Variants in KAZN observed in about 807,000 individuals in gnomAD.
KAZN encodes kazrin, periplakin interacting protein, also known as kazrin.
A neutral mutation model predicts 87.4 loss-of-function variants in KAZN; 40 were observed. That is an observed-to-expected ratio of 0.46 (90% CI 0.36 to 0.60). KAZN has a LOEUF of 0.60. Ranked by LOEUF, KAZN falls within the 20% of genes least tolerant of loss-of-function variation. The pLI, the probability that KAZN is intolerant of heterozygous loss-of-function variation, is 0.00. For missense variants in KAZN, 898 were observed against 1,073.9 expected (o/e 0.84, Z 2.29); for synonymous variants, 466 against 458.3 (o/e 1.02, Z -0.22).
intron 1 of KAZN, among the ~76,000 whole-genome samples, chr1:14,935,883 C>A (rs1660396328): frequency 6.6e-6 from 1 of 152,154 alleles, no homozygotes; most frequent in Non-Finnish European, 1.5e-5. Context: ...GAGCTGCAGC[C>A]TATAGCACCC....
At chr1:14,744,453 G>T (rs1557445666) in intron 1 of KAZN, among the ~76,000 whole-genome samples, 1 of 152,108 alleles carries the variant, frequency 6.6e-6, no homozygotes, top group South Asian at 2.1e-4. Flanking sequence ...AACAGGCCAG[G>T]TGTGATGGCT....
rs59840012 is a variant in KAZN at position 14,600,666 on chromosome 1, CAA to C, written c.226+1464_226+1465del. On this transcript the variant is annotated intron_variant, in intron 1 of 14. Coordinates refer to ENST00000376030, the MANE Select transcript of KAZN (RefSeq NM_201628.3). The stretch of plus-strand genomic sequence containing the variant: ...AGAACATTCTCCACTGGAACCTGTG[CAA>C]AAAAAAAAAAAAAAAAAAAAGACAG... Among the ~76,000 whole-genome samples, 813 of 118,416 alleles carry C rather than the reference CAA, an allele frequency of 6.9e-3. 5 individuals carry two copies. Among genetic ancestry groups the C allele is most frequent in the African/African-American group, 0.025 (745 of 29,870 alleles). The allele number at this position is 118,416 out of a possible 152,430, so 77.7% of individuals were successfully genotyped here.
In KAZN at chr1:14,010,036, T is replaced by G. The variant is rs145881640; in HGVS notation, c.91+116280T>G. On this transcript the variant is annotated intron_variant, in intron 1 of 16. Coordinates refer to the KAZN transcript ENST00000636203. Reference sequence around the variant, plus strand: ...TGTAGACAATCTATAGGCATTCAATTAACACATCAACAATTTTGTTGTTGC... The same window carrying G: ...TGTAGACAATCTATAGGCATTCAATGAACACATCAACAATTTTGTTGTTGC... 4.4e-3 allele frequency among the ~76,000 whole-genome samples: 666 copies of G among 152,320 alleles called. 7 individuals are homozygous for G. Among genetic ancestry groups the G allele is most frequent in the African/African-American group, 0.015 (633 of 41,562 alleles).
intron 1 of KAZN, among the ~76,000 whole-genome samples, chr1:14,043,034 T>C (rs10737916): frequency 0.62 from 93,784 of 152,060 alleles, 30,299 homozygotes; most frequent in African/African-American, 0.8. Context: ...GTAACCTTTT[T>C]ATCTTCTCAA....
At chr1:14,353,160 G>A (rs548700786) in intron 2 of KAZN, among the ~76,000 whole-genome samples, 9 of 151,096 alleles carry the variant, frequency 6.0e-5, no homozygotes, top group African/African-American at 2.2e-4. Context: ...AAAAAGGCAG[G>A]AAAATAAAAC....
At chr1:14,304,767 T>C (rs1280242066) in intron 2 of KAZN, 1 of 396,824 alleles carries the variant, frequency 2.5e-6, no homozygotes, top group Non-Finnish European at 4.4e-6. Flanking sequence ...TCTTAAGGCA[T>C]GACATAATTT....
intron 2 of KAZN, among the ~76,000 whole-genome samples, chr1:14,586,900 A>G (rs1675886240): frequency 6.6e-6 from 1 of 152,082 alleles, no homozygotes; most frequent in African/African-American, 2.4e-5. Flanking sequence ...CCAGATATAG[A>G]ATTCTAAAAT....
intron 1 of KAZN, among the ~76,000 whole-genome samples, chr1:14,684,287 G>T (rs989756967): frequency 6.6e-6 from 1 of 152,154 alleles, no homozygotes; most frequent in Non-Finnish European, 1.5e-5. Context: ...ATACTTGATT[G>T]GTATTAGGGT....
intron 1 of KAZN, among the ~76,000 whole-genome samples, chr1:14,833,001 T>G (rs2100886999): frequency 6.6e-6 from 1 of 152,386 alleles, no homozygotes; most frequent in South Asian, 2.1e-4. Flanking sequence ...AGATATTTAT[T>G]CATCTAAAAT....
intron 2 of KAZN, among the ~76,000 whole-genome samples, chr1:14,333,362 T>C (rs1370445561): frequency 6.6e-6 from 1 of 152,204 alleles, no homozygotes; most frequent in East Asian, 1.9e-4. Flanking sequence ...TACATGTATC[T>C]TTGTAACAGA....
At chr1:14,037,488 G>A (rs1356906836) in intron 1 of KAZN, among the ~76,000 whole-genome samples, 2 of 152,188 alleles carry the variant, frequency 1.3e-5, no homozygotes, top group African/African-American at 4.8e-5. Context: ...TACCTCCCTT[G>A]TTGGTCAGTG....
intron 2 of KAZN, among the ~76,000 whole-genome samples, chr1:14,227,621 T>C (rs146178706): frequency 6.6e-6 from 1 of 152,238 alleles, no homozygotes; most frequent in Non-Finnish European, 1.5e-5. Context: ...CACTCTGACA[T>C]ACCCTCAGTC....
chr1:14,126,363 C>CCG, intron 1 of KAZN, among the ~76,000 whole-genome samples: 1 of 29,722 alleles, frequency 3.4e-5, no homozygotes, highest in South Asian at 1.1e-3. Flanking sequence ...TCCCCCCCCC[C>CCG]GTCAAGATGC....
At chr1:14,031,678 C>G (rs897814585) in intron 1 of KAZN, among the ~76,000 whole-genome samples, 1 of 152,156 alleles carries the variant, frequency 6.6e-6, no homozygotes, top group Admixed American at 6.5e-5. Context: ...ACACATCCCA[C>G]GTTGTAATTT....
In KAZN at chr1:15,099,797, G is replaced by GAAACGGGGAGCAGC. The variant is rs1640972454; in HGVS notation, c.1548-1745_1548-1732dup. Among the ~76,000 whole-genome samples, 1 of 152,212 alleles carries GAAACGGGGAGCAGC rather than the reference G, an allele frequency of 6.6e-6. No individual in the cohort carries two copies. The highest frequency in any genetic ancestry group is 1.5e-5 in the Non-Finnish European group (1 of 68,036). ...CGGAATAGAAGGGAAGCAAAGGCAG[G>GAAACGGGGAGCAGC]AAACGGGGAGCAGCCGGGGAAAGTG... On this transcript the variant is annotated intron_variant, in intron 10 of 14. Transcript: ENST00000376030. The surrounding 1 kb of genome is among the most constrained non-coding windows in gnomAD (Gnocchi z 5.4).
At chr1:14,103,547 G>A (rs1189250740) in intron 1 of KAZN, among the ~76,000 whole-genome samples, 2 of 152,176 alleles carry the variant, frequency 1.3e-5, no homozygotes, top group Admixed American at 1.3e-4. Flanking sequence ...ACTGGATAGA[G>A]TCTGTTTTCT....
rs1205017791 is a variant in KAZN, at chr1:13,981,089, T to TTATATATATATATATATATATATATATA, written c.91+87354_91+87355insATATATATATATATATATATATATATAT. Among the ~76,000 whole-genome samples the TTATATATATATATATATATATATATATA allele has an allele frequency of 5.7e-4, 36 of 63,090 alleles. 1 individual carries two copies. Among genetic ancestry groups the TTATATATATATATATATATATATATATA allele is most frequent in the African/African-American group, 1.3e-3 (22 of 17,210 alleles). 41.4% of individuals were successfully genotyped at this position (63,090 alleles called of 152,430 possible). The stretch of plus-strand genomic sequence containing the variant: ...TTGGAGAGGTATAAAAAATTACTCT[T>TTATATATATATATATATATATATATATA]TATATATATATATATATATATGTAT... On this transcript the variant is annotated intron_variant, in intron 1 of 16. Transcript: ENST00000636203.
At chr1:14,333,117 A>G (rs1656970454) in intron 2 of KAZN, among the ~76,000 whole-genome samples, 1 of 151,992 alleles carries the variant, frequency 6.6e-6, no homozygotes, top group South Asian at 2.1e-4. Flanking sequence ...GCTCCCACTT[A>G]TAAGTGAGAA....
intron 2 of KAZN, among the ~76,000 whole-genome samples, chr1:14,587,939 A>G (rs939783591): frequency 6.6e-6 from 1 of 152,176 alleles, no homozygotes; most frequent in Non-Finnish European, 1.5e-5. Context: ...TCAACTCAGT[A>G]GCACCCATGT....
Sources: gnomAD v4.1 joint callset for allele counts (sites outside exome capture counted in the v4.1 genomes callset) on GRCh38, gnomAD v4.1.1 for gene constraint, Gnocchi (gnomAD v3.1) non-coding constraint, MANE v1.5 for transcripts, NCBI Gene and HGNC (gene_info 2026-07-23, HGNC 2026-07-21) for gene names.